KALRN: variants seen among roughly 807,000 people sequenced by gnomAD.
The protein encoded by KALRN is kalirin.
A neutral mutation model predicts 353.7 loss-of-function variants in KALRN; 70 were observed. The observed-to-expected ratio is 0.20, with a 90% CI of 0.16 to 0.24. KALRN has a LOEUF of 0.24. KALRN is among the 10% of genes least tolerant of loss of function. The pLI is 1.00. For missense variants in KALRN, 2,791 were observed against 3,756.7 expected (o/e 0.74, Z 6.72); for synonymous variants, 1,391 against 1,434.8 (o/e 0.97, Z 0.69).
At position 124,694,315 on chromosome 3, in the gene KALRN, T is replaced by G; in HGVS notation, c.7406-17T>G. On this transcript the variant is annotated splice_polypyrimidine_tract_variant and intron_variant, in intron 52 of 59. Transcript: ENST00000682506. ...ATTTGCTCTGAATGATGTTAATGTA[T>G]GTTGATTTGATCACAGTGGCCCCAG... is the stretch of plus-strand genomic sequence containing the variant. 1.2e-6 allele frequency: 2 copies of G among 1,612,220 alleles called. No homozygotes were observed. The highest frequency in any genetic ancestry group is 1.7e-6 in the Non-Finnish European group (2 of 1,178,690).
chr3:124,145,564 G>T (rs544454091), intron 1 of KALRN, among the ~76,000 whole-genome samples: 4 of 152,178 alleles, frequency 2.6e-5, no homozygotes, highest in Non-Finnish European at 5.9e-5. Flanking sequence ...ATGACCAAAG[G>T]TGTGACTTGC....
intron 1 of KALRN, among the ~76,000 whole-genome samples, chr3:124,117,780 C>T (rs748273329): frequency 3.3e-5 from 5 of 152,110 alleles, no homozygotes; most frequent in Non-Finnish European, 7.4e-5. Context: ...TCAGAAGCTT[C>T]AGATTGAGGC....
At chr3:124,276,940 C>T (rs1278748682) in intron 5 of KALRN, among the ~76,000 whole-genome samples, 11 of 152,228 alleles carry the variant, frequency 7.2e-5, no homozygotes, top group East Asian at 1.9e-4. Flanking sequence ...AACACACGCA[C>T]GCACACATGT....
intron 1 of KALRN, among the ~76,000 whole-genome samples, chr3:124,226,987 G>C (rs1377712013): frequency 1.3e-5 from 2 of 152,190 alleles, no homozygotes; most frequent in Non-Finnish European, 2.9e-5. Flanking sequence ...TCGAATCGCT[G>C]TAAGTGTGGG....
At chr3:124,327,604 C>CAT (rs960406191) in intron 7 of KALRN, among the ~76,000 whole-genome samples, 27 of 152,166 alleles carry the variant, frequency 1.8e-4, no homozygotes, top group African/African-American at 5.1e-4. Flanking sequence ...TACACACACA[C>CAT]ATATATATGC....
chr3:124,655,770 T>A (rs564588073), intron 39 of KALRN, 103 bp downstream of exon 39: 1 of 763,958 alleles, frequency 1.3e-6, no homozygotes, highest in Non-Finnish European at 2.3e-6. Context: ...TGTACTTTAC[T>A]GTCTGAGCAC....
chr3:124,255,390 CCTT>C (rs2071801367), intron 3 of KALRN, among the ~76,000 whole-genome samples: 1 of 152,186 alleles, frequency 6.6e-6, no homozygotes, highest in Non-Finnish European at 1.5e-5. Flanking sequence ...GTCCACCTCT[CCTT>C]CTAGAATGAA....
At chr3:124,391,786 C>T (rs894524566) in intron 11 of KALRN, among the ~76,000 whole-genome samples, 4 of 152,208 alleles carry the variant, frequency 2.6e-5, no homozygotes, top group Non-Finnish European at 4.4e-5. Flanking sequence ...TGACTGTGTG[C>T]ACCATGTCCA....
intron 1 of KALRN, among the ~76,000 whole-genome samples, chr3:124,137,191 A>T (rs564078583): frequency 1.1e-3 from 160 of 152,272 alleles, no homozygotes; most frequent in African/African-American, 3.6e-3. Context: ...AAAAAATGAA[A>T]CCTCAAAACA....
chr3:124,456,647 G>C lies in KALRN; in HGVS notation c.3773G>C (p.Ser1258Thr), dbSNP rs1220400741. 16 of 1,613,190 alleles carry C rather than the reference G, an allele frequency of 9.9e-6. No homozygotes were observed. The highest frequency in any genetic ancestry group is 1.4e-5 in the Non-Finnish European group (16 of 1,179,500). ...KDLELDIIPA[S>T]LSDREVKLRD... ...CTGGAGCTGGATATTATCCCAGCAA[G>C]CCTTTCGGATCGGGAGGTCAAGCTG... Residue 1258 changes from serine to threonine, a missense_variant, in exon 23 of 60, where the codon AGC becomes ACC. Coordinates refer to ENST00000682506, the MANE Select transcript of KALRN (RefSeq NM_001388419.1).
chr3:124,233,981 A>G (rs2079470455), intron 2 of KALRN, among the ~76,000 whole-genome samples: 1 of 152,220 alleles, frequency 6.6e-6, no homozygotes. Flanking sequence ...ATTAATGAAT[A>G]CATTTTAAAA....
chr3:124,610,103 A>G (rs1335117847), intron 34 of KALRN, among the ~76,000 whole-genome samples: 1 of 152,270 alleles, frequency 6.6e-6, no homozygotes, highest in African/African-American at 2.4e-5. Context: ...CTAGAAGCAC[A>G]ACAATGAACA....
chr3:124,412,060 G>T (rs2150249145), intron 13 of KALRN, among the ~76,000 whole-genome samples: 1 of 152,270 alleles, frequency 6.6e-6, no homozygotes, highest in Non-Finnish European at 1.5e-5. Context: ...TTTCTATTTT[G>T]CTTGAAGAAA....
chr3:124,382,657 A>T (rs2149909697), intron 10 of KALRN, among the ~76,000 whole-genome samples: 1 of 152,268 alleles, frequency 6.6e-6, no homozygotes, highest in Non-Finnish European at 1.5e-5. Flanking sequence ...ACTTTGCCAC[A>T]AATTTTTATT....
At chr3:124,411,794 T>A (rs2092184158) in intron 13 of KALRN, among the ~76,000 whole-genome samples, 1 of 152,152 alleles carries the variant, frequency 6.6e-6, no homozygotes, top group Non-Finnish European at 1.5e-5. Flanking sequence ...GTCTAACCCC[T>A]TTCTTGAGTT....
chr3:124,264,805 G>T, intron 4 of KALRN, 115 bp downstream of exon 4: 1 of 905,116 alleles, frequency 1.1e-6, no homozygotes, highest in Non-Finnish European at 1.7e-6. Context: ...CAAGGGCTGA[G>T]ATTTCAGGAT....
chr3:124,611,031 A>G (rs994334819), intron 34 of KALRN, among the ~76,000 whole-genome samples: 2 of 152,140 alleles, frequency 1.3e-5, no homozygotes, highest in Admixed American at 6.5e-5. Flanking sequence ...CTCAAAAAAT[A>G]AAGAAACAAT....
chr3:124,040,054 A>G (rs1028065066), intron 1 of KALRN, among the ~76,000 whole-genome samples: 6 of 152,344 alleles, frequency 3.9e-5, no homozygotes, highest in Non-Finnish European at 4.4e-5. Flanking sequence ...CCTCTGTAAG[A>G]TTTGGTAAGC....
intron 1 of KALRN, chr3:124,163,715 T>TA: frequency 1.0e-6 from 1 of 985,430 alleles, no homozygotes; most frequent in Non-Finnish European, 1.2e-6. Flanking sequence ...CTCTTTACCA[T>TA]AGACCTTGCT....
Sources: allele counts gnomAD v4.1 joint callset (sites outside exome capture counted in the v4.1 genomes callset), GRCh38; gene constraint gnomAD v4.1.1; transcripts MANE v1.5; gene names NCBI Gene and HGNC (gene_info 2026-07-23, HGNC 2026-07-21).